C5orf58: variants seen among roughly 807,000 people sequenced by gnomAD.
C5orf58 encodes chromosome 5 open reading frame 58, also known as putative uncharacterized protein C5orf58.
A neutral mutation model predicts 2.9 loss-of-function variants in C5orf58; 2 were observed. The ratio of observed to expected loss-of-function variants is 0.69; its 90% CI spans 0.28 to 2.18. The LOEUF (loss-of-function observed/expected upper bound fraction) is 2.18. Ranked by LOEUF, C5orf58 falls within the 30% of genes most tolerant of loss-of-function variation. C5orf58 has a pLI of 0.13. For missense variants in C5orf58, 96 were observed against 91.7 expected (o/e 1.05, Z -0.19); for synonymous variants, 37 against 33.4 (o/e 1.11, Z -0.37).
At chr5:170,237,049 T>TC (rs1296414684) in intron 3 of C5orf58, among the ~76,000 whole-genome samples, 3 of 152,108 alleles carry the variant, frequency 2.0e-5, no homozygotes, top group Non-Finnish European at 4.4e-5. Flanking sequence ...AGCTTTAGAT[T>TC]CCCCCCAAAC....
chr5:170,249,934 C>T (rs1054567378), downstream of C5orf58, among the ~76,000 whole-genome samples: 1 of 152,216 alleles, frequency 6.6e-6, no homozygotes, highest in Non-Finnish European at 1.5e-5. Flanking sequence ...TACCTCTGCT[C>T]CTATAGGGTC....
At chr5:170,250,415 A>G (rs180806989), downstream of C5orf58, among the ~76,000 whole-genome samples, 1 of 152,368 alleles carries the variant, frequency 6.6e-6, no homozygotes, top group Admixed American at 6.5e-5. Context: ...ATTATGCCAC[A>G]GAGGTGAATA....
rs1761266858 is a variant in C5orf58 at position 170,245,995 on chromosome 5, T to C, written c.128T>C (p.Leu43Pro). ...CAGTTATTGCTTTGTGACCTTATCC[T>C]ACATTTTAATCATCCCATCAAGACT... Reference protein sequence around the residue: ...LSQLLLCDLILHFNHPIKTEN... With the variant: ...LSQLLLCDLIPHFNHPIKTEN... The change falls in exon 4 of 4, where the codon CTA becomes CCA. Residue 43 changes from leucine to proline, a missense_variant. Coordinates refer to ENST00000593851, the MANE Select transcript of C5orf58 (RefSeq NM_001102609.3). The C allele has an allele frequency of 3.1e-6, 5 of 1,613,606 alleles. No individual in the cohort carries two copies. The highest frequency in any genetic ancestry group is 4.2e-6 in the Non-Finnish European group (5 of 1,179,736).
chr5:170,245,662 G>A (rs1294179713), intron 3 of C5orf58, among the ~76,000 whole-genome samples: 2 of 152,142 alleles, frequency 1.3e-5, no homozygotes, highest in African/African-American at 4.8e-5. Flanking sequence ...ACTGACCTGC[G>A]CCCACTGTCT....
chr5:170,245,430 G>A (rs1220416783), intron 3 of C5orf58, among the ~76,000 whole-genome samples: 1 of 152,166 alleles, frequency 6.6e-6, no homozygotes, highest in South Asian at 2.1e-4. Flanking sequence ...GCGAGACTCC[G>A]TGGGCGTAGG....
exon 3 of C5orf58, chr5:170,251,842 A>G (rs977177868): frequency 7.8e-5 from 25 of 320,518 alleles, no homozygotes; most frequent in South Asian, 6.1e-4. Flanking sequence ...GGTGATCTAA[A>G]TGTGCAACTA....
chr5:170,243,528 T>G (rs893192565), intron 3 of C5orf58, among the ~76,000 whole-genome samples: 1 of 152,124 alleles, frequency 6.6e-6, no homozygotes, highest in Non-Finnish European at 1.5e-5. Context: ...TTTACCATTA[T>G]GTAATGGCCT....
intron 3 of C5orf58, among the ~76,000 whole-genome samples, chr5:170,244,598 C>T (rs1183500133): frequency 5.3e-5 from 8 of 152,118 alleles, no homozygotes; most frequent in African/African-American, 1.7e-4. Context: ...GCATTCTTCA[C>T]GTAGTTCTCG....
At chr5:170,250,948 G>A (rs914814438), downstream of C5orf58, 35 of 1,379,800 alleles carry the variant, frequency 2.5e-5, no homozygotes, top group Non-Finnish European at 3.3e-5. Context: ...TTGCTTGTAA[G>A]AGTAGTAGAC....
At chr5:170,236,522 C>T (rs185835737) in intron 3 of C5orf58, among the ~76,000 whole-genome samples, 74 of 152,260 alleles carry the variant, frequency 4.9e-4, no homozygotes, top group African/African-American at 1.7e-3. Context: ...TTCTAAAATG[C>T]GAATCTGCAG....
chr5:170,234,210 T>G lies in C5orf58; in HGVS notation c.-1+12T>G. 7.3e-7 allele frequency: 1 copy of G among 1,363,794 alleles called. No homozygotes were observed. Among genetic ancestry groups the G allele is most frequent in the Non-Finnish European group, 9.8e-7 (1 of 1,018,338 alleles). 84.5% of individuals were successfully genotyped at this position (1,363,794 alleles called of 1,614,324 possible). On this transcript the variant is annotated intron_variant, in intron 2 of 3. Coordinates refer to ENST00000593851, the MANE Select transcript of C5orf58 (RefSeq NM_001102609.3). Reference sequence around the variant, plus strand: ...GGATTGACTTAAAGGTTAGTTTGTTTTCATTATTTTGGACAAGCAGCTTGA... The same window carrying G: ...GGATTGACTTAAAGGTTAGTTTGTTGTCATTATTTTGGACAAGCAGCTTGA...
intron 3 of C5orf58, chr5:170,237,361 A>G (rs775801535): frequency 5.3e-5 from 21 of 398,148 alleles, no homozygotes; most frequent in East Asian, 1.1e-4. Flanking sequence ...TCATAATCCT[A>G]TGAGGTAGGA....
chr5:170,239,267 A>G (rs1760875993), intron 3 of C5orf58, among the ~76,000 whole-genome samples: 1 of 152,252 alleles, frequency 6.6e-6, no homozygotes, highest in African/African-American at 2.4e-5. Context: ...GAATATTTGT[A>G]TAATTAACAT....
Position 170,235,015 on chromosome 5 carries a change from G to C in C5orf58, c.39G>C (p.Val13=). The C allele has an allele frequency of 6.4e-7, 1 of 1,551,616 alleles. No homozygotes were observed. Among genetic ancestry groups the C allele is most frequent in the Non-Finnish European group, 8.8e-7 (1 of 1,133,014 alleles). Residue 13 remains valine (V), a synonymous_variant, in exon 3 of 4, where the codon GTG becomes GTC. Transcript: ENST00000593851. ...KKRVTDHKLN[V]DKVIKNINTI... ...GTGTTACTGATCATAAGCTAAATGT[G>C]GACAAAGTAATTAAAAATATTAACA...
chr5:170,247,408 C>T (rs1761323390), downstream of C5orf58: 2 of 152,166 alleles, frequency 1.3e-5, no homozygotes, highest in Non-Finnish European at 1.5e-5. Flanking sequence ...CCTTCCAATA[C>T]CCCTTTTATT....
At chr5:170,245,436 G>A (rs577886020) in intron 3 of C5orf58, among the ~76,000 whole-genome samples, 31 of 152,240 alleles carry the variant, frequency 2.0e-4, no homozygotes, top group African/African-American at 7.0e-4. Context: ...CTCCGTGGGC[G>A]TAGGACCTTC....
chr5:170,246,652 G>T (rs1761304602), downstream of C5orf58: 1 of 152,746 alleles, frequency 6.5e-6, no homozygotes, highest in Non-Finnish European at 1.5e-5. Context: ...GTACAGCATT[G>T]CCTTTGGGGA....
chr5:170,238,454 G>C (rs1760833219), intron 3 of C5orf58, among the ~76,000 whole-genome samples: 1 of 152,096 alleles, frequency 6.6e-6, no homozygotes, highest in Admixed American at 6.6e-5. Context: ...GGAGGAAAAG[G>C]ATTAGGTAAG....
downstream of C5orf58, chr5:170,248,707 C>T (rs2113141979): frequency 1.2e-6 from 2 of 1,611,834 alleles, no homozygotes; most frequent in South Asian, 2.2e-5. Context: ...CTATGGGTAC[C>T]CTGCAGCATG....
Sources: allele counts gnomAD v4.1 joint callset (sites outside exome capture counted in the v4.1 genomes callset), GRCh38; gene constraint gnomAD v4.1.1; transcripts MANE v1.5; gene names NCBI Gene and HGNC (gene_info 2026-07-23, HGNC 2026-07-21).